The following SMPD4 variants were observed in gnomAD, a reference collection of about 807,000 sequenced individuals.
The protein encoded by SMPD4 is sphingomyelin phosphodiesterase 4.
Under a neutral mutation model 97.8 loss-of-function variants are expected in SMPD4, and 58 were observed. The ratio of observed to expected loss-of-function variants is 0.59; its 90% CI spans 0.48 to 0.74. The LOEUF is 0.74. SMPD4 is among the 30% of genes least tolerant of loss of function. SMPD4 has a pLI of 0.00. For synonymous variants in SMPD4, 388 were observed against 450.0 expected (o/e 0.86, Z 1.74); for missense variants, 853 against 1,080.5 (o/e 0.79, Z 2.95).
chr2:130,158,319 CTTTT>C (rs869169572), intron 11 of SMPD4: 6 of 920,112 alleles, frequency 6.5e-6, no homozygotes, highest in South Asian at 1.8e-5. Context: ...TTAGGCCAAA[CTTTT>C]TTTTTTTTTC....
At chr2:130,157,464 C>G in intron 11 of SMPD4, 68 bp from the exon 12 acceptor site, 1 of 1,596,344 alleles carries the variant, frequency 6.3e-7, no homozygotes, top group Non-Finnish European at 8.5e-7. Flanking sequence ...GCCTCCAGGT[C>G]TGACCACATC....
intron 8 of SMPD4, among the ~76,000 whole-genome samples, chr2:130,170,632 T>C (rs964326213): frequency 4.6e-5 from 7 of 150,912 alleles, no homozygotes; most frequent in African/African-American, 1.7e-4. Context: ...GGTGTGGGGG[T>C]GCATGCTTAT....
At chr2:130,162,139 T>G (rs1296709191) in intron 10 of SMPD4, among the ~76,000 whole-genome samples, 2 of 152,210 alleles carry the variant, frequency 1.3e-5, no homozygotes, top group Non-Finnish European at 2.9e-5. Context: ...CCAGATACAG[T>G]GGGTTCCCAA....
rs1686463549 is a variant in SMPD4 at position 130,153,685 on chromosome 2, G to C, written c.1893+17C>G. The C allele has an allele frequency of 1.2e-6, 2 of 1,610,144 alleles. No individual in the cohort carries two copies. The highest frequency in any genetic ancestry group is 1.7e-6 in the Non-Finnish European group (2 of 1,177,066). On this transcript the variant is annotated intron_variant, in intron 17 of 19. Transcript: ENST00000680298. ...AGGGGACCCTGATGGCGGTGGGGCAGGCCCCATAGCTCGTACCCGGAATAT... is the reference window on the plus strand; with the variant it reads ...AGGGGACCCTGATGGCGGTGGGGCACGCCCCATAGCTCGTACCCGGAATAT...
At chr2:130,176,130 T>A (rs1688956685) in intron 2 of SMPD4, among the ~76,000 whole-genome samples, 1 of 152,184 alleles carries the variant, frequency 6.6e-6, no homozygotes, top group South Asian at 2.1e-4. Context: ...GTTCTCAGCA[T>A]CATGTTTAAT....
In SMPD4 at chr2:130,161,302, G is replaced by A. The variant is rs774372380; in HGVS notation, c.865-30C>T. 4.4e-6 allele frequency: 7 copies of A among 1,602,888 alleles called. No individual in the cohort carries two copies. In the East Asian group the frequency reaches 1.6e-4, roughly 36 times the overall value. On this transcript the variant is annotated intron_variant, in intron 10 of 19. Coordinates refer to ENST00000680298, the MANE Select transcript of SMPD4 (RefSeq NM_017951.5). ...GATAAGAAACAGAGAGATGCCGGAAGAGGCCGAAGAGCAGAGGACAAGAGA... is the reference window on the plus strand; with the variant it reads ...GATAAGAAACAGAGAGATGCCGGAAAAGGCCGAAGAGCAGAGGACAAGAGA...
Position 130,153,924 on chromosome 2 carries a change from G to A in SMPD4, c.1671C>T (p.Leu557=), listed in dbSNP as rs540616169. ...GPEARTLVLR[L]AQLITQAKHT... is the part of the protein sequence containing the mutation. ...GTTTGGCCTGTGTGATGAGCTGAGC[G>A]AGGCGCAGGACCTGCAAGGGAGGCG... The change falls in exon 17 of 20, where the codon CTC becomes CTT. Residue 557 remains leucine, a synonymous_variant. Transcript: ENST00000680298. The A allele has an allele frequency of 1.8e-5, 29 of 1,613,518 alleles. No individual in the cohort carries two copies. In the Admixed American group the frequency reaches 2.0e-4, roughly 11 times the overall value.
At chr2:130,177,188 C>T (rs1313060121) in intron 1 of SMPD4, among the ~76,000 whole-genome samples, 2 of 152,230 alleles carry the variant, frequency 1.3e-5, no homozygotes, top group Non-Finnish European at 2.9e-5. Flanking sequence ...TCAAGTGATC[C>T]TCCTGCGTCA....
At chr2:130,180,298 C>T (rs1689424387) in intron 1 of SMPD4, among the ~76,000 whole-genome samples, 1 of 148,062 alleles carries the variant, frequency 6.8e-6, no homozygotes, top group Non-Finnish European at 1.5e-5. Context: ...CGGAGTCTCG[C>T]TCTGGGCTCT....
intron 12 of SMPD4, 36 bp from the exon 13 acceptor site, chr2:130,156,711 C>T (rs752747899): frequency 3.8e-6 from 6 of 1,598,806 alleles, no homozygotes; most frequent in Non-Finnish European, 8.5e-7. Flanking sequence ...GCTGCTTGCC[C>T]AGTAAGGAGG....
upstream of SMPD4, chr2:130,181,738 G>C (rs1047686894): frequency 1.2e-5 from 19 of 1,548,600 alleles, no homozygotes; most frequent in East Asian, 2.4e-5. Flanking sequence ...CAGGAGTGCG[G>C]GGGAGGGAGT....
rs772800099 is a variant in SMPD4, at chr2:130,153,137, T to G, written c.2060A>C (p.Tyr687Ser). 4 of 1,613,844 alleles carry G rather than the reference T, an allele frequency of 2.5e-6. No homozygotes were observed. The highest frequency in any genetic ancestry group is 3.4e-6 in the Non-Finnish European group (4 of 1,180,000). The change falls in exon 19 of 20, where the codon TAC becomes TCC. Residue 687 changes from tyrosine (Y) to serine (S), a missense_variant. Coordinates refer to ENST00000680298, the MANE Select transcript of SMPD4 (RefSeq NM_017951.5). Reference sequence around the variant, plus strand: ...GGGCTGCAGCTCCGGGTCCCCCTGGTACTCAATTTCAAACCTTCGCAGCCC... The same window carrying G: ...GGGCTGCAGCTCCGGGTCCCCCTGGGACTCAATTTCAAACCTTCGCAGCCC... ...INGLRRFEIE[Y>S]QGDPELQPIR...
chr2:130,154,704 G>A (rs1686592523), intron 15 of SMPD4: 3 of 607,368 alleles, frequency 4.9e-6, no homozygotes, highest in East Asian at 2.8e-5. Context: ...GTGTCTGCAG[G>A]AGGTAAACAA....
intron 1 of SMPD4, 40 bp downstream of exon 1, chr2:130,181,490 G>C (rs1689631024): frequency 6.4e-7 from 1 of 1,570,708 alleles, no homozygotes; most frequent in African/African-American, 1.3e-5. Flanking sequence ...AAGCCCCCAG[G>C]GCGCCGGACC....
intron 1 of SMPD4, among the ~76,000 whole-genome samples, chr2:130,179,236 T>C (rs1021710129): frequency 4.0e-5 from 6 of 151,012 alleles, no homozygotes; most frequent in Non-Finnish European, 8.9e-5. Context: ...TTCTCCTGCC[T>C]CAGCCTCCCG....
intron 8 of SMPD4, among the ~76,000 whole-genome samples, chr2:130,171,250 G>A (rs1248347575): frequency 6.6e-6 from 1 of 150,810 alleles, no homozygotes; most frequent in African/African-American, 2.4e-5. Flanking sequence ...GATTACAGGT[G>A]TGCACCACCA....
At chr2:130,177,594 G>A (rs1689091359) in intron 1 of SMPD4, among the ~76,000 whole-genome samples, 2 of 151,928 alleles carry the variant, frequency 1.3e-5, no homozygotes, top group African/African-American at 4.8e-5. Flanking sequence ...CTACTCAGGA[G>A]GCTGAGACCC....
chr2:130,165,426 C>CAA (rs113282615), intron 9 of SMPD4, among the ~76,000 whole-genome samples: 66 of 138,580 alleles, frequency 4.8e-4, no homozygotes, highest in South Asian at 1.4e-3. Context: ...AACTCGGTCT[C>CAA]AAAAAAAAAA....
At chr2:130,161,393 A>C (rs533994224) in intron 10 of SMPD4, 121 bp from the exon 11 acceptor site, 1 of 743,970 alleles carries the variant, frequency 1.3e-6, no homozygotes, top group East Asian at 2.7e-5. Context: ...GAAAGAAAGC[A>C]ATGAGAACGA....
Sources: allele counts gnomAD v4.1 joint callset (sites outside exome capture counted in the v4.1 genomes callset), GRCh38; gene constraint gnomAD v4.1.1; transcripts MANE v1.5; gene names NCBI Gene and HGNC (gene_info 2026-07-23, HGNC 2026-07-21).